SNTB2: variants seen among roughly 807,000 people sequenced by gnomAD.
SNTB2 encodes the protein syntrophin beta 2.
SNTB2 carries 34 observed loss-of-function variants against 46.2 expected under a neutral mutation model. The observed-to-expected ratio is 0.74, with a 90% confidence interval of 0.56 to 0.98. The LOEUF (loss-of-function observed/expected upper bound fraction) is 0.98. SNTB2 is among the 50% of genes least tolerant of loss of function. The pLI, the probability that SNTB2 is intolerant of heterozygous loss-of-function variation, is 0.00. For missense variants in SNTB2, 603 were observed against 731.4 expected, an observed-to-expected ratio of 0.82 and a Z score of 2.02; for synonymous variants, 290 against 312.6, an observed-to-expected ratio of 0.93 and a Z score of 0.76.
chr16:69,203,312 C>G (rs550068369), intron 1 of SNTB2, among the ~76,000 whole-genome samples: 15 of 151,480 alleles, frequency 9.9e-5, no homozygotes, highest in African/African-American at 3.6e-4. Flanking sequence ...GCCACTGCGC[C>G]CAGCGTTTTT....
chr16:69,211,679 C>CAGCT (rs1277420872), intron 1 of SNTB2, among the ~76,000 whole-genome samples: 1 of 152,108 alleles, frequency 6.6e-6, no homozygotes, highest in Non-Finnish European at 1.5e-5. Flanking sequence ...ATAACCTGAG[C>CAGCT]AGCTGTCTTT....
In SNTB2 at chr16:69,187,738, T is replaced by A; in HGVS notation, c.572T>A (p.Leu191Gln). ...QALKRAGKEV[L>Q]LEVKFIREVT... The stretch of plus-strand genomic sequence containing the variant: ...CTGAAGCGCGCGGGCAAGGAGGTGC[T>A]GCTGGAGGGTGAGCGGGGCCGGGCG... Residue 191 changes from leucine (L) to glutamine (Q), a missense_variant, in exon 1 of 7, where the codon CTG (leucine) becomes CAG (glutamine). Transcript: ENST00000336278. 2.4e-6 allele frequency: 2 copies of A among 844,910 alleles called. No homozygotes were observed. Among genetic ancestry groups the A allele is most frequent in the Non-Finnish European group, 3.3e-6 (2 of 606,558 alleles). The allele number at this position is 844,910 out of a possible 1,614,324, so 52.3% of individuals were successfully genotyped here. A position where few individuals can be genotyped will look rare whatever the true frequency, so the allele number is the denominator to read the frequency against.
Position 69,221,683 on chromosome 16 carries a change from C to T in SNTB2, c.581-23919C>T, listed in dbSNP as rs76891392. The stretch of plus-strand genomic sequence containing the variant: ...CCCAGCTCCTCGGGAGGCTGAGACA[C>T]GAGAATTGCTTGAACCAATGAGGTG... On this transcript the variant is annotated intron_variant, in intron 1 of 6. Transcript: ENST00000336278. 1.4e-3 allele frequency among the ~76,000 whole-genome samples: 214 copies of T among 152,208 alleles called. 4 individuals are homozygous for T. The East Asian group carries it at 0.038, about 27-fold the overall frequency.
intron 1 of SNTB2, among the ~76,000 whole-genome samples, chr16:69,210,731 G>T (rs1249663964): frequency 6.6e-6 from 1 of 152,106 alleles, no homozygotes; most frequent in Non-Finnish European, 1.5e-5. Flanking sequence ...AGCGGGTCAC[G>T]CCTGTAATCC....
chr16:69,259,073 T>C (rs1597189931), intron 2 of SNTB2, among the ~76,000 whole-genome samples: 1 of 152,018 alleles, frequency 6.6e-6, no homozygotes, highest in East Asian at 1.9e-4. Flanking sequence ...AGCATGCTTT[T>C]CATTTTTTAG....
At chr16:69,229,590 A>T (rs1964487377) in intron 1 of SNTB2, among the ~76,000 whole-genome samples, 1 of 148,088 alleles carries the variant, frequency 6.8e-6, no homozygotes, top group African/African-American at 2.5e-5. Context: ...CTATGATCCC[A>T]GCACTTTGGG....
chr16:69,286,847 AC>A (rs1303472969), intron 5 of SNTB2, among the ~76,000 whole-genome samples: 5 of 152,102 alleles, frequency 3.3e-5, no homozygotes, highest in African/African-American at 1.2e-4. Flanking sequence ...TAGCCACTGT[AC>A]TCCAGCCTGG....
chr16:69,251,229 C>T (rs1416630569), intron 2 of SNTB2, among the ~76,000 whole-genome samples: 17 of 151,540 alleles, frequency 1.1e-4, no homozygotes, highest in Non-Finnish European at 2.1e-4. Flanking sequence ...CTGCCCGCCT[C>T]GGCCTCCCAA....
At chr16:69,197,085 C>T (rs1288592294) in intron 1 of SNTB2, among the ~76,000 whole-genome samples, 1 of 151,980 alleles carries the variant, frequency 6.6e-6, no homozygotes, top group African/African-American at 2.4e-5. Context: ...TAACTACACT[C>T]TGTTAGACAC....
chr16:69,296,985 G>C (rs1965232168), intron 5 of SNTB2, among the ~76,000 whole-genome samples: 1 of 149,824 alleles, frequency 6.7e-6, no homozygotes, highest in Non-Finnish European at 1.5e-5. Context: ...CTGCATGACA[G>C]AGTGAGACTC....
At chr16:69,273,651 A>G (rs1202197652) in intron 4 of SNTB2, among the ~76,000 whole-genome samples, 1 of 152,158 alleles carries the variant, frequency 6.6e-6, no homozygotes, top group African/African-American at 2.4e-5. Context: ...AAAATTCTGA[A>G]TATACTAAAG....
chr16:69,207,011 C>T lies in SNTB2; in HGVS notation c.580+19265C>T, dbSNP rs7359382. On this transcript the variant is annotated intron_variant, in intron 1 of 6. Transcript: ENST00000336278. ...TGAACTCCTGATCTCAGGTGATCCACCTGCCTCAGCCTCCCAACGTGCTGG... is the reference window on the plus strand; with the variant it reads ...TGAACTCCTGATCTCAGGTGATCCATCTGCCTCAGCCTCCCAACGTGCTGG... Among the ~76,000 whole-genome samples, 1,159 of 152,218 alleles carry T rather than the reference C, an allele frequency of 7.6e-3. 15 individuals are homozygous for T. Among genetic ancestry groups the T allele is most frequent in the African/African-American group, 0.025 (1,042 of 41,546 alleles).
At chr16:69,195,297 G>T (rs1330117205) in intron 1 of SNTB2, among the ~76,000 whole-genome samples, 1 of 151,916 alleles carries the variant, frequency 6.6e-6, no homozygotes, top group African/African-American at 2.4e-5. Context: ...TAGAGACAGG[G>T]TTTCACTCTG....
At chr16:69,260,408 C>A in intron 3 of SNTB2, 148 bp downstream of exon 3, 1 of 702,404 alleles carries the variant, frequency 1.4e-6, no homozygotes, top group Non-Finnish European at 2.4e-6. Context: ...TTTGTTTCAC[C>A]TCCCTTTTTC....
chr16:69,245,798 G>A lies in SNTB2; in HGVS notation c.777G>A (p.Met259Ile). ...GCTTTGCTGCTAGAAACCTAAGCAT[G>A]CCGGATCTGGAAAACAGGTGAGGTG... ...KMCFAARNLS[M>I]PDLENRLIEL... The change falls in exon 2 of 7, where the codon ATG (methionine) becomes ATA (isoleucine). Residue 259 changes from methionine to isoleucine, a missense_variant. Transcript: ENST00000336278. The A allele has an allele frequency of 6.2e-7, 1 of 1,613,956 alleles. No individual in the cohort carries two copies. The highest frequency in any genetic ancestry group is 1.1e-5 in the South Asian group (1 of 91,064).
rs749828433 is a variant in SNTB2, at chr16:69,187,479, G to T, written c.313G>T (p.Gly105Cys). The change falls in exon 1 of 7, where the codon GGT (glycine) becomes TGT (cysteine). Residue 105 changes from glycine to cysteine, a missense_variant. By Grantham distance (159) the Gly-to-Cys change is radical. Coordinates refer to ENST00000336278, the MANE Select transcript of SNTB2 (RefSeq NM_006750.4). ...GCCGGCGCCGCCTCGGGGCCCCGCG[G>T]GTGAGGCGGGCGCGTCGCCGCCCGT... Reference protein sequence around the residue: ...SPPAPPRGPAGEAGASPPVRR... With the variant: ...SPPAPPRGPACEAGASPPVRR... 1.6e-6 allele frequency: 2 copies of T among 1,223,854 alleles called. No homozygotes were observed. The highest frequency in any genetic ancestry group is 1.0e-6 in the Non-Finnish European group (1 of 977,022). The allele number at this position is 1,223,854 out of a possible 1,614,324, so 75.8% of individuals were successfully genotyped here.
chr16:69,267,753 A>G (rs987436580), intron 3 of SNTB2, among the ~76,000 whole-genome samples: 1 of 152,280 alleles, frequency 6.6e-6, no homozygotes, highest in Admixed American at 6.5e-5. Context: ...GTTATAGCAC[A>G]GAACCAAACC....
intron 1 of SNTB2, among the ~76,000 whole-genome samples, 156 bp downstream of exon 1, chr16:69,187,902 T>A (rs1030078306): frequency 3.3e-5 from 5 of 152,142 alleles, no homozygotes; most frequent in African/African-American, 9.7e-5. Context: ...AAACGGATGC[T>A]TCTTGCAGGA....
intron 2 of SNTB2, among the ~76,000 whole-genome samples, chr16:69,256,476 A>C: frequency 6.7e-6 from 1 of 149,194 alleles, no homozygotes; most frequent in Non-Finnish European, 1.5e-5. Context: ...TCATTGAAAA[A>C]CTCCCCATTT....
Sources: gnomAD v4.1 joint callset for allele counts (sites outside exome capture counted in the v4.1 genomes callset) on GRCh38, gnomAD v4.1.1 for gene constraint, MANE v1.5 for transcripts, NCBI Gene and HGNC (gene_info 2026-07-23, HGNC 2026-07-21) for gene names.